IPO8: variants seen among roughly 807,000 people sequenced by gnomAD.
IPO8 encodes the protein importin-8.
A neutral mutation model predicts 141.2 loss-of-function variants in IPO8; 65 were observed. The ratio of observed to expected loss-of-function variants is 0.46; its 90% confidence interval spans 0.38 to 0.57. IPO8 has a LOEUF of 0.57. IPO8 is among the 20% of genes least tolerant of loss of function. IPO8 has a pLI of 0.00. For missense variants in IPO8, 980 were observed against 1,246.8 expected, an observed-to-expected ratio of 0.79 and a Z score of 3.22; for synonymous variants, 411 against 420.3, an observed-to-expected ratio of 0.98 and a Z score of 0.27.
intron 10 of IPO8, 72 bp from the exon 11 acceptor site, chr12:30,666,323 A>T (rs575787914): frequency 2.6e-6 from 3 of 1,160,882 alleles, no homozygotes; most frequent in African/African-American, 1.6e-5. Flanking sequence ...AACCTGACTG[A>T]CCGCTATTCC....
In IPO8 at chr12:30,631,906, C is replaced by T. The variant is rs144603566; in HGVS notation, c.3005G>A (p.Arg1002Gln). Residue 1002 changes from arginine (R) to glutamine (Q), a missense_variant, in exon 24 of 25, where the codon CGG (arginine) becomes CAG (glutamine). Around this residue, in one of 3 missense-constraint regions of IPO8, gnomAD observed 924 missense variants for 1,153.9 expected, o/e 0.80. Transcript: ENST00000256079. ...TTACTCTGGCTGACCTGCCACCGTCCGTCGGTGCTCTGCCAGTGTGTACAC... is the reference window on the plus strand; with the variant it reads ...TTACTCTGGCTGACCTGCCACCGTCTGTCGGTGCTCTGCCAGTGTGTACAC... ...QEVYTLAEHR[R>Q]TVAEAKKKIE... is the part of the protein sequence containing the mutation. 9.6e-5 allele frequency: 154 copies of T among 1,610,200 alleles called. No homozygotes were observed. The African/African-American group carries it at 1.4e-3, about 14-fold the overall frequency.
rs1478976194 is a variant in IPO8, at chr12:30,639,508, C to T, written c.2489+7G>A. On this transcript the variant is annotated splice_region_variant and intron_variant, in intron 21 of 24. Coordinates refer to ENST00000256079, the MANE Select transcript of IPO8 (RefSeq NM_006390.4). ...GAAAAGCAGTGTAAAATCCAAAAGA[C>T]ACATACCCAAGAAAACAATCTGTAT... 1.3e-6 allele frequency: 2 copies of T among 1,591,524 alleles called. No homozygotes were observed. The highest frequency in any genetic ancestry group is 2.7e-5 in the African/African-American group (2 of 74,402).
At chr12:30,685,163 G>A (rs117102083) in intron 2 of IPO8, among the ~76,000 whole-genome samples, 2,354 of 148,794 alleles carry the variant, frequency 0.016, 35 homozygotes, top group Non-Finnish European at 0.025. Flanking sequence ...TTTTTGAGAC[G>A]GAATCTTTCT....
intron 5 of IPO8, among the ~76,000 whole-genome samples, chr12:30,678,095 A>G (rs1055156155): frequency 6.6e-6 from 1 of 150,948 alleles, no homozygotes; most frequent in African/African-American, 2.4e-5. Context: ...ACTGCACTCC[A>G]GCCCGGGCGA....
Position 30,685,284 on chromosome 12 carries a change from C to T in IPO8, c.167-827G>A, listed in dbSNP as rs146689968. Among the ~76,000 whole-genome samples, 28 of 151,990 alleles carry T rather than the reference C, an allele frequency of 1.8e-4. No individual in the cohort carries two copies. The East Asian group carries it at 5.3e-3, about 29-fold the overall frequency. On this transcript the variant is annotated intron_variant, in intron 2 of 24. Coordinates refer to ENST00000256079, the MANE Select transcript of IPO8 (RefSeq NM_006390.4). ...CCTCCCAAATACCTGGGATTACAGG[C>T]ATGTGCCACCACACCCAGCTAATTT...
chr12:30,640,115 T>A (rs1176961795), intron 20 of IPO8, among the ~76,000 whole-genome samples: 2 of 152,130 alleles, frequency 1.3e-5, no homozygotes, highest in Non-Finnish European at 2.9e-5. Context: ...AATAAATAAA[T>A]GGGACTGAAA....
chr12:30,672,129 G>T (rs1238310097), intron 8 of IPO8, among the ~76,000 whole-genome samples: 2 of 152,000 alleles, frequency 1.3e-5, no homozygotes, highest in Non-Finnish European at 2.9e-5. Flanking sequence ...GGACCTTTAG[G>T]CAACTTTCTT....
intron 16 of IPO8, among the ~76,000 whole-genome samples, chr12:30,657,263 T>A (rs957398119): frequency 6.6e-6 from 1 of 152,188 alleles, no homozygotes; most frequent in Non-Finnish European, 1.5e-5. Context: ...TGAAATACAA[T>A]AGAAAACAAA....
chr12:30,661,042 T>C (rs1223032545), intron 16 of IPO8, 99 bp downstream of exon 16: 2 of 809,980 alleles, frequency 2.5e-6, no homozygotes, highest in East Asian at 6.0e-5. Flanking sequence ...CATAACTAAG[T>C]AGCAATTTAA....
chr12:30,647,936 C>T (rs1481997178), intron 20 of IPO8, among the ~76,000 whole-genome samples: 1 of 152,098 alleles, frequency 6.6e-6, no homozygotes, highest in Non-Finnish European at 1.5e-5. Context: ...CACAATGAGA[C>T]ACTACTTCAC....
chr12:30,649,543 A>G (rs545772848), intron 19 of IPO8, among the ~76,000 whole-genome samples: 51 of 152,276 alleles, frequency 3.3e-4, no homozygotes, highest in Admixed American at 7.9e-4. Context: ...AACCAAAACA[A>G]AATAATCTTC....
chr12:30,647,295 CA>C (rs750114398), intron 20 of IPO8, among the ~76,000 whole-genome samples: 2 of 151,934 alleles, frequency 1.3e-5, no homozygotes, highest in Non-Finnish European at 2.9e-5. Context: ...ACATTATGTA[CA>C]AAAATTAACT....
Position 30,674,758 on chromosome 12 carries a change from C to G in IPO8, c.730-5G>C. ...CTCATCAATGTGCAGAGTCTCCTAA[C>G]AGGACAAAATTACCCAGATTAAAGT... is the stretch of plus-strand genomic sequence containing the variant. On this transcript the variant is annotated splice_polypyrimidine_tract_variant and splice_region_variant and intron_variant, in intron 6 of 24. Transcript: ENST00000256079. The G allele has an allele frequency of 6.3e-7, 1 of 1,595,578 alleles. No individual in the cohort carries two copies.
chr12:30,639,831 G>T, intron 20 of IPO8, 96 bp from the exon 21 acceptor site: 1 of 798,246 alleles, frequency 1.3e-6, no homozygotes, highest in Non-Finnish European at 2.1e-6. Flanking sequence ...AAATAAGACA[G>T]TCTTAATGGC....
At chr12:30,644,945 G>A (rs975012446) in intron 20 of IPO8, among the ~76,000 whole-genome samples, 4 of 151,602 alleles carry the variant, frequency 2.6e-5, no homozygotes, top group South Asian at 2.1e-4. Context: ...AAGCCACTGC[G>A]CCCCGCCACA....
intron 18 of IPO8, 134 bp from the exon 19 acceptor site, chr12:30,652,423 G>C: frequency 1.5e-6 from 1 of 646,532 alleles, no homozygotes; most frequent in South Asian, 1.7e-5. Context: ...AGAAATGAAA[G>C]TAATAAGTCT....
intron 15 of IPO8, among the ~76,000 whole-genome samples, chr12:30,661,594 C>T (rs1366504831): frequency 2.0e-4 from 28 of 136,786 alleles, no homozygotes; most frequent in Non-Finnish European, 1.1e-4. Flanking sequence ...GTCGAGGAAT[C>T]ACTTAGAAAA....
chr12:30,665,069 T>A (rs2136152455), intron 13 of IPO8, 151 bp downstream of exon 13: 2 of 583,648 alleles, frequency 3.4e-6, no homozygotes, highest in East Asian at 6.2e-5. Flanking sequence ...TAGTCTGTCC[T>A]TTATTCAGCT....
rs114065881 is a variant in IPO8, at chr12:30,672,505, A to C, written c.910-1409T>G. 4.4e-3 allele frequency among the ~76,000 whole-genome samples: 672 copies of C among 152,302 alleles called. 5 individuals carry two copies. Among genetic ancestry groups the C allele is most frequent in the African/African-American group, 0.015 (623 of 41,568 alleles). The stretch of plus-strand genomic sequence containing the variant: ...CCTGATAAGAAAACCATTTTTAAGT[A>C]TCAGGAATATATCCTTAAATAACCA... On this transcript the variant is annotated intron_variant, in intron 8 of 24. Transcript: ENST00000256079.
Sources: gnomAD v4.1 joint callset for allele counts (sites outside exome capture counted in the v4.1 genomes callset) on GRCh38, gnomAD v4.1.1 for gene constraint, gnomAD v4.1.1 regional missense constraint, MANE v1.5 for transcripts, NCBI Gene and HGNC (gene_info 2026-07-23, HGNC 2026-07-21) for gene names.